The following ROBO2 variants were observed in gnomAD, a reference collection of about 807,000 sequenced individuals.
The protein encoded by ROBO2 is roundabout homolog 2.
ROBO2 carries 53 observed loss-of-function variants against 160.8 expected under a neutral mutation model. The ratio of observed to expected loss-of-function variants is 0.33; its 90% CI spans 0.26 to 0.41. The LOEUF is 0.41. Among genes scored for constraint, ROBO2 ranks in the 10% least tolerant of loss-of-function variants. The pLI is 1.00. For synonymous variants in ROBO2, 664 were observed against 611.7 expected, an observed-to-expected ratio of 1.09 and a Z score of -1.26; for missense variants, 1,577 against 1,722.4, an observed-to-expected ratio of 0.92 and a Z score of 1.49.
At chr3:77,283,244 C>A (rs764999713) in intron 2 of ROBO2, among the ~76,000 whole-genome samples, 3 of 151,920 alleles carry the variant, frequency 2.0e-5, no homozygotes, top group Non-Finnish European at 4.4e-5. Flanking sequence ...AGATGATAAC[C>A]CCTTTTCACC....
chr3:76,474,425 A>G lies in ROBO2; in HGVS notation c.109+536823A>G, dbSNP rs1042988382. 2.0e-5 allele frequency among the ~76,000 whole-genome samples: 3 copies of G among 152,162 alleles called. No individual in the cohort carries two copies. The East Asian group carries it at 5.8e-4, about 29-fold the overall frequency. On this transcript the variant is annotated intron_variant, in intron 2 of 26. Coordinates refer to the ROBO2 transcript ENST00000487694. Reference sequence around the variant, plus strand: ...CTTTCTACACATTTTAAATAATAGAATAAGACAGCATAGATCATTTATTTC... The same window carrying G: ...CTTTCTACACATTTTAAATAATAGAGTAAGACAGCATAGATCATTTATTTC...
At chr3:76,603,775 G>A (rs2087427063) in intron 2 of ROBO2, among the ~76,000 whole-genome samples, 1 of 152,044 alleles carries the variant, frequency 6.6e-6, no homozygotes, top group Non-Finnish European at 1.5e-5. Flanking sequence ...GTCTCTGTCA[G>A]TAACATTCTC....
At chr3:76,834,000 T>TCTTTCTTTCTTTC (rs1426137564) in intron 2 of ROBO2, among the ~76,000 whole-genome samples, 1 of 131,494 alleles carries the variant, frequency 7.6e-6, no homozygotes, top group Non-Finnish European at 1.6e-5. Flanking sequence ...TTTCTTTCCT[T>TCTTTCTTTCTTTC]CTTTCTTTCT....
intron 2 of ROBO2, among the ~76,000 whole-genome samples, chr3:77,128,152 T>TAG (rs1391234180): frequency 1.3e-5 from 2 of 152,218 alleles, no homozygotes; most frequent in African/African-American, 4.8e-5. Context: ...GGAGGACTTC[T>TAG]AGATGCCAGG....
At chr3:77,503,088 C>T (rs937182956) in intron 5 of ROBO2, among the ~76,000 whole-genome samples, 6 of 151,852 alleles carry the variant, frequency 4.0e-5, no homozygotes, top group African/African-American at 1.5e-4. Flanking sequence ...TTGTTTGTAA[C>T]TTGAAGGATA....
intron 2 of ROBO2, among the ~76,000 whole-genome samples, chr3:77,108,578 A>G (rs2073167913): frequency 6.6e-6 from 1 of 152,168 alleles, no homozygotes; most frequent in African/African-American, 2.4e-5. Context: ...TGGGCTGCAT[A>G]TGAGGAGTCT....
At chr3:76,434,522 G>A (rs1256928812) in intron 2 of ROBO2, 2 of 1,569,786 alleles carry the variant, frequency 1.3e-6, no homozygotes, top group East Asian at 4.5e-5. Flanking sequence ...CAAAGATGTG[G>A]ATAAGAAGCA....
At chr3:77,200,168 G>T (rs2082698980) in intron 2 of ROBO2, among the ~76,000 whole-genome samples, 1 of 148,816 alleles carries the variant, frequency 6.7e-6, no homozygotes, top group Admixed American at 6.7e-5. Flanking sequence ...TGTTATGAAT[G>T]ACTTTCCTTC....
At chr3:76,993,158 C>A (rs1342351963) in intron 2 of ROBO2, among the ~76,000 whole-genome samples, 1 of 152,046 alleles carries the variant, frequency 6.6e-6, no homozygotes, top group Non-Finnish European at 1.5e-5. Flanking sequence ...AAAAAAGTTT[C>A]AAGAAAAATA....
intron 9 of ROBO2, 142 bp downstream of exon 10, chr3:77,558,291 A>AAAAATGATG (rs1355803849): frequency 2.8e-6 from 2 of 717,062 alleles, no homozygotes; most frequent in East Asian, 5.4e-5. Context: ...TACTTATTTT[A>AAAAATGATG]AAAATGATGA....
intron 2 of ROBO2, among the ~76,000 whole-genome samples, chr3:76,510,677 C>A (rs1047179001): frequency 6.6e-6 from 1 of 151,962 alleles, no homozygotes; most frequent in African/African-American, 2.4e-5. Context: ...TGGGTGAGAT[C>A]CTTCCACTGC....
rs138389041 is a variant in ROBO2 at position 77,259,559 on chromosome 3, T to A, written c.388+161219T>A. Among the ~76,000 whole-genome samples, 925 of 152,100 alleles carry A rather than the reference T, an allele frequency of 6.1e-3. 2 individuals are homozygous for A. The highest frequency in any genetic ancestry group is 0.017 in the Middle Eastern group (5 of 294). ...ATGATGACAAAATGATAGATGAGAG[T>A]AAATAGAACTTAGTATTTGGAAGTA... On this transcript the variant is annotated intron_variant, in intron 2 of 25. Transcript: ENST00000461745.
intron 2 of ROBO2, among the ~76,000 whole-genome samples, chr3:76,326,304 A>G (rs2073010879): frequency 6.6e-6 from 1 of 152,180 alleles, no homozygotes; most frequent in African/African-American, 2.4e-5. Context: ...CTTTGTAAGA[A>G]TAGTCACTTT....
At chr3:76,553,507 G>A (rs1366628754) in intron 2 of ROBO2, among the ~76,000 whole-genome samples, 1 of 152,092 alleles carries the variant, frequency 6.6e-6, no homozygotes, top group Non-Finnish European at 1.5e-5. Context: ...ACTAGATATT[G>A]GGCTCTACTT....
At chr3:76,476,922 G>A (rs2078961160) in intron 2 of ROBO2, among the ~76,000 whole-genome samples, 1 of 152,142 alleles carries the variant, frequency 6.6e-6, no homozygotes, top group Admixed American at 6.6e-5. Context: ...AGATGAATGG[G>A]GCCGAGTGGC....
chr3:76,435,932 C>CTGAGGCT (rs1266152006), intron 2 of ROBO2, among the ~76,000 whole-genome samples: 3 of 151,422 alleles, frequency 2.0e-5, no homozygotes, highest in Non-Finnish European at 4.4e-5. Flanking sequence ...GGACCAAAGG[C>CTGAGGCT]TGAGGCTTGG....
chr3:77,179,201 C>T (rs962224851), intron 2 of ROBO2, among the ~76,000 whole-genome samples: 1 of 151,558 alleles, frequency 6.6e-6, no homozygotes, highest in Non-Finnish European at 1.5e-5. Flanking sequence ...TTTAGTTTGT[C>T]AGTGCCCTTC....
At chr3:75,912,501 A>G (rs923105479) in intron 1 of ROBO2, among the ~76,000 whole-genome samples, 2 of 152,206 alleles carry the variant, frequency 1.3e-5, no homozygotes, top group Non-Finnish European at 2.9e-5. Flanking sequence ...TAGCATCACA[A>G]ACTCACTGCT....
intron 2 of ROBO2, among the ~76,000 whole-genome samples, chr3:76,048,115 T>G (rs2067510855): frequency 6.6e-6 from 1 of 152,166 alleles, no homozygotes. Context: ...TTTTATGGAA[T>G]GTATTGTCAA....
Sources: allele counts gnomAD v4.1 joint callset (sites outside exome capture counted in the v4.1 genomes callset), GRCh38; gene constraint gnomAD v4.1.1; transcripts MANE v1.5; gene names NCBI Gene and HGNC (gene_info 2026-07-23, HGNC 2026-07-21).